Variants in TTC3 observed in about 807,000 individuals in gnomAD.
The protein encoded by TTC3 is tetratricopeptide repeat domain 3.
A neutral mutation model predicts 249.6 loss-of-function variants in TTC3; 180 were observed. That is an observed-to-expected ratio of 0.72 (90% CI 0.64 to 0.82). TTC3 has a LOEUF of 0.82. Ranked by LOEUF, TTC3 falls within the 40% of genes least tolerant of loss-of-function variation. TTC3 has a pLI of 0.00. For missense variants in TTC3, 2,061 were observed against 2,398.4 expected (o/e 0.86, Z 2.94); for synonymous variants, 717 against 805.0 (o/e 0.89, Z 1.85).
At chr21:37,141,489 G>A (rs35179231) in intron 20 of TTC3, among the ~76,000 whole-genome samples, 1 of 151,064 alleles carries the variant, frequency 6.6e-6, no homozygotes, top group African/African-American at 2.4e-5. Context: ...TTTTTTTTTG[G>A]CCAGGCACAG....
chr21:37,076,694 A>ATTTTTTTTTTT lies in TTC3; in HGVS notation c.-12+3346_-12+3356dup, dbSNP rs61629167. Among the ~76,000 whole-genome samples, 100 of 94,992 alleles carry ATTTTTTTTTTT rather than the reference A, an allele frequency of 1.1e-3. 9 individuals are homozygous for ATTTTTTTTTTT. The highest frequency in any genetic ancestry group is 2.9e-3 in the African/African-American group (62 of 21,226). The allele number at this position is 94,992 out of a possible 152,430, so 62.3% of individuals were successfully genotyped here. A position where few individuals can be genotyped will look rare whatever the true frequency, so the allele number is the denominator to read the frequency against. Reference sequence around the variant, plus strand: ...AAACTCCCTTGGGGAAAACAAAGGGATTTTTTTTTTTTTTTTTTTTTTTTT... The same window carrying ATTTTTTTTTTT: ...AAACTCCCTTGGGGAAAACAAAGGGATTTTTTTTTTTTTTTTTTTTTTTTTTTTTTTTTTTT... On this transcript the variant is annotated intron_variant, in intron 1 of 45. Coordinates refer to ENST00000355666, the Ensembl canonical transcript of TTC3.
intron 10 of TTC3, among the ~76,000 whole-genome samples, chr21:37,097,540 C>G (rs888874668): frequency 2.6e-5 from 4 of 152,102 alleles, no homozygotes; most frequent in Non-Finnish European, 5.9e-5. Flanking sequence ...TTCAGCTACC[C>G]AAAATGAAAT....
At chr21:37,180,611 G>T (rs1187563932) in intron 35 of TTC3, among the ~76,000 whole-genome samples, 1 of 115,346 alleles carries the variant, frequency 8.7e-6, no homozygotes, top group African/African-American at 3.3e-5. Context: ...GGACTGTTGT[G>T]GGGTGGGGGG....
rs2085474103 is a variant in TTC3, at chr21:37,201,291, G to A, written c.5944-149G>A. The A allele has an allele frequency of 6.3e-6, 6 of 948,756 alleles. No individual in the cohort carries two copies. In the African/African-American group the frequency reaches 9.8e-5, roughly 16 times the overall value. The allele number at this position is 948,756 out of a possible 1,614,324, so 58.8% of individuals were successfully genotyped here. On this transcript the variant is annotated intron_variant, in intron 45 of 45. Transcript: ENST00000355666. ...CTTTGTCCACACTCTGGCCTGAGCGGGTGTTGGTGTCCCTGAGTATTGGGC... is the reference window on the plus strand; with the variant it reads ...CTTTGTCCACACTCTGGCCTGAGCGAGTGTTGGTGTCCCTGAGTATTGGGC...
chr21:37,079,532 T>G (rs76647831), intron 1 of TTC3, among the ~76,000 whole-genome samples: 622 of 59,514 alleles, frequency 0.01, 4 homozygotes, highest in Middle Eastern at 0.035. Context: ...TTTTTTTTTT[T>G]TTTTTTTTTT....
intron 35 of TTC3, among the ~76,000 whole-genome samples, chr21:37,174,270 G>T (rs894681885): frequency 2.6e-5 from 4 of 152,148 alleles, no homozygotes; most frequent in Non-Finnish European, 5.9e-5. Context: ...GTCTGCTGTT[G>T]CGTGGCCCTA....
At position 37,088,096 on chromosome 21, in the gene TTC3, C is replaced by G. The variant is rs570871391; in HGVS notation, c.188-100C>G. The G allele has an allele frequency of 6.3e-6, 7 of 1,104,924 alleles. No individual in the cohort carries two copies. The African/African-American group carries it at 1.1e-4, about 17-fold the overall frequency. The allele number at this position is 1,104,924 out of a possible 1,614,324, so 68.4% of individuals were successfully genotyped here. ...GCTAGAATACTTCATTCATTCATTT[C>G]TTCCCTCTCCATATCCATTTTTGCC... On this transcript the variant is annotated intron_variant, in intron 3 of 45. Coordinates refer to ENST00000355666, the Ensembl canonical transcript of TTC3.
chr21:37,073,934 G>A (rs888520211), intron 1 of TTC3, among the ~76,000 whole-genome samples: 1 of 152,276 alleles, frequency 6.6e-6, no homozygotes, highest in Admixed American at 6.5e-5. Context: ...GTCCTTGCGT[G>A]TCTCCGAGTG....
At chr21:37,101,664 G>T (rs936493171) in intron 10 of TTC3, among the ~76,000 whole-genome samples, 1 of 152,066 alleles carries the variant, frequency 6.6e-6, no homozygotes, top group African/African-American at 2.4e-5. Flanking sequence ...TGAACCAGAT[G>T]AAATTGCCAT....
chr21:37,182,617 G>A (rs1370602812), intron 35 of TTC3, among the ~76,000 whole-genome samples, 157 bp from the exon 36 acceptor site: 1 of 152,178 alleles, frequency 6.6e-6, no homozygotes, highest in Non-Finnish European at 1.5e-5. Context: ...GCTTGGCTGG[G>A]GGGCATAGTC....
intron 27 of TTC3, among the ~76,000 whole-genome samples, chr21:37,155,900 C>G (rs968373628): frequency 2.0e-5 from 3 of 152,024 alleles, no homozygotes; most frequent in Admixed American, 1.3e-4. Flanking sequence ...CCCATTTCCT[C>G]TTTTAGACAC....
At chr21:37,104,768 G>A (rs568856362) in intron 10 of TTC3, among the ~76,000 whole-genome samples, 8 of 152,244 alleles carry the variant, frequency 5.3e-5, no homozygotes, top group African/African-American at 1.7e-4. Context: ...TTACAGAGAA[G>A]TTTTTCTCAA....
intron 1 of TTC3, chr21:37,082,864 T>G (rs1377804645): frequency 7.2e-6 from 7 of 973,212 alleles, no homozygotes; most frequent in Non-Finnish European, 8.5e-6. Flanking sequence ...TTATAAAAAA[T>G]TTTATGGTAC....
At chr21:37,161,912 C>CA in intron 30 of TTC3, 78 bp from the exon 31 acceptor site, 1 of 925,318 alleles carries the variant, frequency 1.1e-6, no homozygotes, top group Non-Finnish European at 1.5e-6. Flanking sequence ...TATAAGTATT[C>CA]ATCAATTTTA....
chr21:37,087,153 A>G (rs766574137), intron 1 of TTC3, 94 bp from the exon 2 acceptor site: 80 of 1,398,950 alleles, frequency 5.7e-5, no homozygotes, highest in South Asian at 1.1e-4. Flanking sequence ...ATAGGTTCCA[A>G]GTATTTTTCT....
At chr21:37,125,566 A>G (rs937424960) in intron 14 of TTC3, among the ~76,000 whole-genome samples, 6 of 152,124 alleles carry the variant, frequency 3.9e-5, no homozygotes, top group Non-Finnish European at 7.4e-5. Flanking sequence ...CTCTGTATCT[A>G]TGGTAGACCT....
intron 1 of TTC3, among the ~76,000 whole-genome samples, chr21:37,076,664 G>T (rs1015550): frequency 1 from 149,134 of 149,136 alleles, 74,566 homozygotes; most frequent in Middle Eastern, 1. Context: ...TTGCCCAAAG[G>T]GGGAAAACTC....
At chr21:37,140,251 A>G (rs945342837) in intron 19 of TTC3, among the ~76,000 whole-genome samples, 1 of 152,158 alleles carries the variant, frequency 6.6e-6, no homozygotes, top group Non-Finnish European at 1.5e-5. Flanking sequence ...AACAAAAACA[A>G]AAACACGATT....
At chr21:37,077,628 G>A (rs1204163614) in intron 1 of TTC3, among the ~76,000 whole-genome samples, 1 of 152,188 alleles carries the variant, frequency 6.6e-6, no homozygotes, top group African/African-American at 2.4e-5. Flanking sequence ...ATTTGCCAAT[G>A]GAATGGGTAT....
Sources: gnomAD v4.1 joint callset for allele counts (sites outside exome capture counted in the v4.1 genomes callset) on GRCh38, gnomAD v4.1.1 for gene constraint, MANE v1.5 for transcripts, NCBI Gene and HGNC (gene_info 2026-07-23, HGNC 2026-07-21) for gene names.